The following CDYL variants were observed in gnomAD, a reference collection of about 807,000 sequenced individuals.
The protein encoded by CDYL is chromodomain Y like.
Under a neutral mutation model 47.3 loss-of-function variants are expected in CDYL, and 8 were observed. The observed-to-expected ratio is 0.17, with a 90% CI of 0.10 to 0.31. The LOEUF is 0.31. Among genes scored for constraint, CDYL ranks in the 10% least tolerant of loss-of-function variants. CDYL has a pLI of 1.00. For synonymous variants in CDYL, 266 were observed against 265.0 expected (o/e 1.00, Z -0.04); for missense variants, 471 against 701.4 (o/e 0.67, Z 3.71).
intron 1 of CDYL, among the ~76,000 whole-genome samples, chr6:4,862,289 G>C (rs953514081): frequency 5.3e-5 from 8 of 152,188 alleles, no homozygotes; most frequent in Admixed American, 5.2e-4. Context: ...AAGTGCTGCT[G>C]TTTCACTGGA....
intron 1 of CDYL, among the ~76,000 whole-genome samples, chr6:4,884,706 A>C (rs1034237600): frequency 2.0e-5 from 3 of 152,224 alleles, no homozygotes; most frequent in African/African-American, 7.2e-5. Flanking sequence ...GGATGTGGGC[A>C]GGCATGCCCA....
rs977595801 is a variant in CDYL at position 4,937,804 on chromosome 6, G to A, written c.1121+67G>A. 1.6e-5 allele frequency: 20 copies of A among 1,272,500 alleles called. No individual in the cohort carries two copies. The East Asian group carries it at 2.2e-4, about 14-fold the overall frequency. The allele number at this position is 1,272,500 out of a possible 1,614,324, so 78.8% of individuals were successfully genotyped here. ...TGTTTTTGGTAAACCAATCCTGATAGAATGGGCCTGACCAAGCCTTGAGAA... is the reference window on the plus strand; with the variant it reads ...TGTTTTTGGTAAACCAATCCTGATAAAATGGGCCTGACCAAGCCTTGAGAA... On this transcript the variant is annotated intron_variant, in intron 4 of 6. Transcript: ENST00000397588.
At chr6:4,867,771 G>GT (rs1401448283) in intron 1 of CDYL, among the ~76,000 whole-genome samples, 6 of 139,862 alleles carry the variant, frequency 4.3e-5, no homozygotes, top group African/African-American at 9.0e-5. Flanking sequence ...GTTGTTGTGG[G>GT]GTTTTTTTTT....
chr6:4,804,273 G>A (rs1225803593), intron 1 of CDYL, among the ~76,000 whole-genome samples: 1 of 152,142 alleles, frequency 6.6e-6, no homozygotes, highest in African/African-American at 2.4e-5. Context: ...CACGAGAATG[G>A]TGGGCCTGAG....
chr6:4,732,026 T>C (rs1465785734), intron 2 of CDYL, among the ~76,000 whole-genome samples: 1 of 152,072 alleles, frequency 6.6e-6, no homozygotes, highest in Non-Finnish European at 1.5e-5. Context: ...AAGTAATATG[T>C]AGAGTTGATT....
upstream of CDYL, chr6:4,776,359 CG>C (rs1296348127): frequency 6.9e-6 from 1 of 145,498 alleles, no homozygotes; most frequent in African/African-American, 2.5e-5. Context: ...TCCGCAGGGC[CG>C]GGCGGCCGCA....
intron 3 of CDYL, among the ~76,000 whole-genome samples, chr6:4,768,069 TGCATTCTGGCTTCACCA>T (rs1400267165): frequency 6.6e-6 from 1 of 152,246 alleles, no homozygotes; most frequent in Non-Finnish European, 1.5e-5. Context: ...TCCTGTTGTC[TGCATTCTGGCTTCACCA>T]GCATTTTCAG....
At chr6:4,733,422 T>TAAAAAAAAAAAAAAAAAAAAAAAAA (rs5873946) in intron 2 of CDYL, among the ~76,000 whole-genome samples, 1 of 138,824 alleles carries the variant, frequency 7.2e-6, no homozygotes, top group Non-Finnish European at 1.6e-5. Flanking sequence ...TCAGATAAAG[T>TAAAAAAAAAAAAAAAAAAAAAAAAA]AAAAAAAAAA....
intron 1 of CDYL, among the ~76,000 whole-genome samples, chr6:4,860,339 C>G (rs1761128305): frequency 6.6e-6 from 1 of 151,686 alleles, no homozygotes; most frequent in South Asian, 2.1e-4. Flanking sequence ...ATATTCCCCT[C>G]ACTCCCCCCT....
rs1253657830 is a variant in CDYL at position 4,955,487 on chromosome 6, A to G, written c.*1431A>G. 3 of 152,674 alleles carry G rather than the reference A, an allele frequency of 2.0e-5. No individual in the cohort carries two copies. Among genetic ancestry groups the G allele is most frequent in the African/African-American group, 7.2e-5 (3 of 41,464 alleles). The allele number at this position is 152,674 out of a possible 1,614,324, so 9.5% of individuals were successfully genotyped here. On this transcript the variant is annotated 3_prime_UTR_variant, in exon 7 of 7. Transcript: ENST00000397588. ...AAACTGTACAATCTGTAAAGTTTTT[A>G]TAGAATAAATATTCAGCTGTGAAAA...
rs531271573 is a variant in CDYL at position 4,729,868 on chromosome 6, C to T, written c.104-4894C>T. The stretch of plus-strand genomic sequence containing the variant: ...GGGAAGTGGAGGTTGCAGTGAGCCA[C>T]GATCACGCTACTACACTCCAGCCTG... On this transcript the variant is annotated intron_variant, in intron 2 of 8. Coordinates refer to the CDYL transcript ENST00000328908. Among the ~76,000 whole-genome samples, 6 of 151,936 alleles carry T rather than the reference C, an allele frequency of 3.9e-5. No homozygotes were observed. The East Asian group carries it at 1.2e-3, about 29-fold the overall frequency.
chr6:4,943,252 G>A (rs1002567917), intron 4 of CDYL, among the ~76,000 whole-genome samples: 1 of 152,140 alleles, frequency 6.6e-6, no homozygotes, highest in Non-Finnish European at 1.5e-5. Flanking sequence ...TATAGAGCCC[G>A]AGAGCCACCT....
intron 1 of CDYL, among the ~76,000 whole-genome samples, chr6:4,819,116 T>TTTCTCTC (rs1218777784): frequency 1.3e-5 from 1 of 76,672 alleles, no homozygotes; most frequent in South Asian, 5.4e-4. Context: ...TTTAGGTTCG[T>TTTCTCTC]TCTCTCTCTC....
chr6:4,760,561 T>C (rs1405901898), intron 3 of CDYL, among the ~76,000 whole-genome samples: 1 of 151,994 alleles, frequency 6.6e-6, no homozygotes, highest in Admixed American at 6.5e-5. Flanking sequence ...TGGTGATGAA[T>C]AGAGAAAGGT....
intron 1 of CDYL, among the ~76,000 whole-genome samples, chr6:4,879,989 C>T (rs1380220791): frequency 6.6e-6 from 1 of 152,200 alleles, no homozygotes; most frequent in Admixed American, 6.5e-5. Context: ...TCATTATCAG[C>T]ATTCCCCACC....
intron 1 of CDYL, among the ~76,000 whole-genome samples, chr6:4,811,967 G>T (rs1430290766): frequency 1.3e-5 from 2 of 152,046 alleles, no homozygotes; most frequent in South Asian, 2.1e-4. Flanking sequence ...CTGTGCCTTT[G>T]CTGTCTGCAG....
At chr6:4,747,175 C>T (rs1039253538) in intron 3 of CDYL, among the ~76,000 whole-genome samples, 9 of 151,858 alleles carry the variant, frequency 5.9e-5, no homozygotes, top group Non-Finnish European at 1.0e-4. Context: ...AGAGTGGTGG[C>T]GGGCACCTGT....
At chr6:4,875,234 G>A (rs756598783) in intron 1 of CDYL, among the ~76,000 whole-genome samples, 9 of 152,034 alleles carry the variant, frequency 5.9e-5, no homozygotes. Flanking sequence ...CTTGAATTTC[G>A]GTATGGTGAG....
intron 2 of CDYL, among the ~76,000 whole-genome samples, chr6:4,919,040 C>T (rs1757635719): frequency 6.6e-6 from 1 of 152,186 alleles, no homozygotes; most frequent in South Asian, 2.1e-4. Flanking sequence ...TTGAAACCTG[C>T]GCTAACTGTA....
Sources: gnomAD v4.1 joint callset for allele counts (sites outside exome capture counted in the v4.1 genomes callset) on GRCh38, gnomAD v4.1.1 for gene constraint, MANE v1.5 for transcripts, NCBI Gene and HGNC (gene_info 2026-07-23, HGNC 2026-07-21) for gene names.